Variants in GALNTL6 observed in about 807,000 individuals in gnomAD.
GALNTL6 encodes polypeptide N-acetylgalactosaminyltransferase-like 6.
In GALNTL6, 46 loss-of-function variants were observed where a neutral mutation model predicts 73.7. That is an observed-to-expected ratio of 0.62 (90% CI 0.49 to 0.80). GALNTL6 has a LOEUF of 0.80. Among genes scored for constraint, GALNTL6 ranks in the 30% least tolerant of loss-of-function variants. The pLI is 0.00. For missense variants in GALNTL6, 604 were observed against 755.0 expected (o/e 0.80, Z 2.34); for synonymous variants, 259 against 263.7 (o/e 0.98, Z 0.17).
intron 10 of GALNTL6, among the ~76,000 whole-genome samples, chr4:172,964,078 G>T (rs4696036): frequency 0.4 from 60,871 of 151,968 alleles, 12,712 homozygotes; most frequent in East Asian, 0.48. Flanking sequence ...ACAGCCCTCA[G>T]TGCTGTTCAA....
chr4:172,543,283 G>A (rs1735639566), intron 5 of GALNTL6, among the ~76,000 whole-genome samples: 1 of 152,198 alleles, frequency 6.6e-6, no homozygotes, highest in Non-Finnish European at 1.5e-5. Flanking sequence ...AGACTTGACA[G>A]CACAATTTGT....
chr4:171,830,017 G>A (rs1053708618), intron 2 of GALNTL6, among the ~76,000 whole-genome samples: 2 of 151,996 alleles, frequency 1.3e-5, no homozygotes, highest in African/African-American at 4.8e-5. Context: ...GACACAGACA[G>A]AATATGTAGA....
chr4:172,779,536 A>G (rs955346386), intron 5 of GALNTL6, among the ~76,000 whole-genome samples: 4 of 152,178 alleles, frequency 2.6e-5, no homozygotes, highest in Non-Finnish European at 4.4e-5. Context: ...TGAGCTCAAT[A>G]TTATCCCATT....
chr4:172,169,113 A>G (rs191795476), intron 2 of GALNTL6, among the ~76,000 whole-genome samples: 2 of 152,318 alleles, frequency 1.3e-5, no homozygotes, highest in Admixed American at 6.5e-5. Context: ...TTGGAGGATA[A>G]GTAAATGGGA....
At chr4:172,900,634 A>C (rs1449499626) in intron 8 of GALNTL6, among the ~76,000 whole-genome samples, 1 of 152,180 alleles carries the variant, frequency 6.6e-6, no homozygotes, top group African/African-American at 2.4e-5. Context: ...AAAAAAGAAA[A>C]GCATTAAAGC....
chr4:172,309,887 A>C (rs1394592521), intron 3 of GALNTL6, among the ~76,000 whole-genome samples: 1 of 152,136 alleles, frequency 6.6e-6, no homozygotes, highest in African/African-American at 2.4e-5. Context: ...AATTTACCAA[A>C]AATTGCATAG....
At chr4:172,290,596 G>A (rs1739430871) in intron 3 of GALNTL6, among the ~76,000 whole-genome samples, 1 of 151,738 alleles carries the variant, frequency 6.6e-6, no homozygotes, top group Non-Finnish European at 1.5e-5. Flanking sequence ...ATTGATAATT[G>A]CAATGAAGTA....
intron 12 of GALNTL6, among the ~76,000 whole-genome samples, chr4:173,037,424 A>C (rs1753740285): frequency 6.6e-6 from 1 of 152,234 alleles, no homozygotes; most frequent in African/African-American, 2.4e-5. Context: ...GTACAAGAAC[A>C]GAAAACATTC....
chr4:172,978,770 G>C (rs1750944299), intron 10 of GALNTL6, among the ~76,000 whole-genome samples: 1 of 152,168 alleles, frequency 6.6e-6, no homozygotes, highest in African/African-American at 2.4e-5. Flanking sequence ...GGCACAATAT[G>C]CAATGTTGTG....
intron 10 of GALNTL6, among the ~76,000 whole-genome samples, chr4:172,996,034 A>G (rs187656097): frequency 2.6e-5 from 4 of 152,322 alleles, no homozygotes; most frequent in African/African-American, 7.2e-5. Context: ...AGAATGATTT[A>G]TATTCCTTTG....
chr4:172,423,286 A>G (rs1162917575), intron 5 of GALNTL6, among the ~76,000 whole-genome samples: 2 of 152,040 alleles, frequency 1.3e-5, no homozygotes, highest in Non-Finnish European at 2.9e-5. Context: ...TCTCTGTGAA[A>G]AACCCAACAA....
At chr4:172,821,043 C>T (rs141130196) in intron 7 of GALNTL6, among the ~76,000 whole-genome samples, 276 of 152,276 alleles carry the variant, frequency 1.8e-3, no homozygotes, top group Admixed American at 5.9e-3. Flanking sequence ...ATTAAACTGG[C>T]CAAAGAATCT....
intron 7 of GALNTL6, among the ~76,000 whole-genome samples, chr4:172,881,916 C>T (rs905824985): frequency 1.3e-5 from 2 of 152,056 alleles, no homozygotes; most frequent in African/African-American, 4.8e-5. Flanking sequence ...CTGCGTGATT[C>T]CTCAAACCGT....
chr4:172,311,381 G>T (rs563035163), intron 3 of GALNTL6, among the ~76,000 whole-genome samples: 1 of 152,202 alleles, frequency 6.6e-6, no homozygotes, highest in African/African-American at 2.4e-5. Flanking sequence ...TCTTGGCAGT[G>T]GTTCTCTCTG....
rs547202010 is a variant in GALNTL6, at chr4:172,194,968, C to G, written c.139-34688C>G. 3.3e-5 allele frequency among the ~76,000 whole-genome samples: 5 copies of G among 152,088 alleles called. No homozygotes were observed. In the East Asian group the frequency reaches 9.7e-4, roughly 29 times the overall value. On this transcript the variant is annotated intron_variant, in intron 2 of 12. Transcript: ENST00000506823. ...ATAATATTAACCTTAAATGAAAATG[C>G]ACTAAATACCCCAATTAAAAAGACA...
At chr4:171,930,708 C>A (rs1380528969) in intron 2 of GALNTL6, among the ~76,000 whole-genome samples, 1 of 152,014 alleles carries the variant, frequency 6.6e-6, no homozygotes, top group Non-Finnish European at 1.5e-5. Context: ...TGGTGGTGGG[C>A]TCCTGTAGTC....
chr4:172,782,166 T>A (rs1739401742), intron 5 of GALNTL6, among the ~76,000 whole-genome samples: 1 of 152,128 alleles, frequency 6.6e-6, no homozygotes, highest in African/African-American at 2.4e-5. Context: ...TTAAAACTCA[T>A]TTCTTTTACT....
At chr4:172,412,855 G>A (rs1744495882) in intron 5 of GALNTL6, among the ~76,000 whole-genome samples, 1 of 152,116 alleles carries the variant, frequency 6.6e-6, no homozygotes, top group African/African-American at 2.4e-5. Context: ...CAGAAGATAA[G>A]TGGACCAATA....
chr4:171,901,015 T>A (rs1013903797), intron 2 of GALNTL6, among the ~76,000 whole-genome samples: 11 of 152,096 alleles, frequency 7.2e-5, no homozygotes, highest in Non-Finnish European at 1.3e-4. Context: ...CCAGGAAGAC[T>A]GATAATAAAG....
Sources: allele counts gnomAD v4.1 joint callset (sites outside exome capture counted in the v4.1 genomes callset), GRCh38; gene constraint gnomAD v4.1.1; transcripts MANE v1.5; gene names NCBI Gene and HGNC (gene_info 2026-07-23, HGNC 2026-07-21).